Variants in NFIC observed in about 807,000 individuals in gnomAD.
NFIC encodes nuclear factor I C.
Under a neutral mutation model 54.4 loss-of-function variants are expected in NFIC, and 12 were observed. That is an observed-to-expected ratio of 0.22 (90% CI 0.14 to 0.36). NFIC has a LOEUF of 0.36. Among genes scored for constraint, NFIC ranks in the 10% least tolerant of loss-of-function variants. NFIC has a pLI of 1.00. For synonymous variants in NFIC, 322 were observed against 319.2 expected, an observed-to-expected ratio of 1.01 and a Z score of -0.09; for missense variants, 575 against 718.2, an observed-to-expected ratio of 0.80 and a Z score of 2.28.
intron 2 of NFIC, among the ~76,000 whole-genome samples, chr19:3,388,468 T>C (rs2145495165): frequency 6.6e-6 from 1 of 152,214 alleles, no homozygotes; most frequent in African/African-American, 2.4e-5. Flanking sequence ...AAGAGTCACT[T>C]GTCCAAGGTC....
rs1039850786 is a variant in NFIC, at chr19:3,375,377, C to A, written c.31-6335C>A. Among the ~76,000 whole-genome samples, 1 of 152,234 alleles carries A rather than the reference C, an allele frequency of 6.6e-6. No individual in the cohort carries two copies. Among genetic ancestry groups the A allele is most frequent in the Admixed American group, 6.5e-5 (1 of 15,280 alleles). ...CGCGTCCCACTGTGCCCCCCACCAC[C>A]CCCACTGCCCGGCTTCCCTGGCCAG... On this transcript the variant is annotated intron_variant, in intron 1 of 10. Transcript: ENST00000443272. The surrounding 1 kb of genome is among the most constrained non-coding windows in gnomAD (Gnocchi z 4.6).
chr19:3,378,255 C>CT (rs1399684506), intron 1 of NFIC, among the ~76,000 whole-genome samples: 1 of 137,958 alleles, frequency 7.2e-6, no homozygotes, highest in East Asian at 2.1e-4. Flanking sequence ...GAGTGAAACT[C>CT]TGTCTCAAAA....
chr19:3,449,262 A>C, intron 7 of NFIC, 123 bp downstream of exon 7: 2 of 1,404,400 alleles, frequency 1.4e-6, no homozygotes, highest in South Asian at 1.5e-5. Flanking sequence ...CTAGGTGGGC[A>C]AAAAACCATA....
chr19:3,453,934 G>GC lies in NFIC; in HGVS notation c.1423+18_1423+19insC. ...CTCGCCTTGTAAGCACGCGGGAAGC[G>GC]GTGCCCTGGTGGGGCGGATGTCCGC... On this transcript the variant is annotated intron_variant, in intron 9 of 10. Transcript: ENST00000443272. This position sits in a 1 kb window ranked among gnomAD's most constrained non-coding sequence, Gnocchi z 6.7. The GC allele has an allele frequency of 6.6e-7, 1 of 1,510,594 alleles. No homozygotes were observed. Among genetic ancestry groups the GC allele is most frequent in the Non-Finnish European group, 8.8e-7 (1 of 1,131,994 alleles). The allele number at this position is 1,510,594 out of a possible 1,614,324, so 93.6% of individuals were successfully genotyped here.
Position 3,463,310 on chromosome 19 carries a change from C to A in NFIC, c.*541C>A, listed in dbSNP as rs2082668148. The A allele has an allele frequency of 1.0e-6, 1 of 987,702 alleles. No individual in the cohort carries two copies. The highest frequency in any genetic ancestry group is 1.2e-6 in the Non-Finnish European group (1 of 831,684). The allele number at this position is 987,702 out of a possible 1,614,324, so 61.2% of individuals were successfully genotyped here. A position where few individuals can be genotyped will look rare whatever the true frequency, so the allele number is the denominator to read the frequency against. The stretch of plus-strand genomic sequence containing the variant: ...TGCCGGACACGGACCGGCCCCTCAG[C>A]CCCCACCGAGGACGCAGCCACTGGG... On this transcript the variant is annotated 3_prime_UTR_variant, in exon 11 of 11. Coordinates refer to ENST00000443272, the MANE Select transcript of NFIC (RefSeq NM_001245002.2).
At chr19:3,448,951 G>T (rs961180573) in intron 6 of NFIC, 63 bp from the exon 7 acceptor site, 59 of 1,533,058 alleles carry the variant, frequency 3.8e-5, no homozygotes, top group Admixed American at 1.0e-4. Flanking sequence ...CTGGCTTTGG[G>T]GAAGGTCCAG....
intron 3 of NFIC, among the ~76,000 whole-genome samples, chr19:3,432,081 C>T (rs1420343045): frequency 2.0e-5 from 3 of 152,146 alleles, no homozygotes; most frequent in Non-Finnish European, 2.9e-5. Context: ...GCTTAGTAAA[C>T]GCCTGTTGAG....
chr19:3,385,895 T>A (rs1405250898), intron 2 of NFIC, among the ~76,000 whole-genome samples: 32 of 151,680 alleles, frequency 2.1e-4, no homozygotes, highest in Admixed American at 2.0e-3. Context: ...TTTGCAGAGA[T>A]GGGGTATCAC....
rs112243853 is a variant in NFIC at position 3,466,658 on chromosome 19, C to CT, written c.*3902dup. 1,438 of 146,224 alleles carry CT rather than the reference C, an allele frequency of 9.8e-3. 25 individuals carry two copies. Among genetic ancestry groups the CT allele is most frequent in the African/African-American group, 0.03 (1,193 of 40,150 alleles). 9.1% of individuals were successfully genotyped at this position (146,224 alleles called of 1,614,324 possible). A position where few individuals can be genotyped will look rare whatever the true frequency, so the allele number is the denominator to read the frequency against. On this transcript the variant is annotated 3_prime_UTR_variant, in exon 11 of 11. Transcript: ENST00000443272. This position sits in a 1 kb window ranked among gnomAD's most constrained non-coding sequence, Gnocchi z 4.8. ...CAGCATTCATGTAGCTGATTTCTAG[C>CT]TTTTTTTTTTTTTCTGCCCCACTCC...
At chr19:3,417,624 CTTTTT>C (rs757954619) in intron 2 of NFIC, among the ~76,000 whole-genome samples, 1 of 121,642 alleles carries the variant, frequency 8.2e-6, no homozygotes, top group African/African-American at 3.2e-5. Context: ...TTTTTCTTTT[CTTTTT>C]TTTTTTTTTT....
intron 2 of NFIC, among the ~76,000 whole-genome samples, chr19:3,422,642 A>G (rs1011435664): frequency 1.3e-4 from 19 of 151,618 alleles, no homozygotes; most frequent in African/African-American, 4.6e-4. Context: ...GCGTGAACCC[A>G]GGAGACGGAG....
rs2082728507 is a variant in NFIC, at chr19:3,467,218, C to CCA, written c.*4450_*4451insAC. The CCA allele has an allele frequency of 7.9e-6, 1 of 126,186 alleles. No individual in the cohort carries two copies. Among genetic ancestry groups the CCA allele is most frequent in the South Asian group, 3.5e-4 (1 of 2,852 alleles). 7.8% of individuals were successfully genotyped at this position (126,186 alleles called of 1,614,324 possible). ...GACACCACACCTATGCCAGGCCCCC[C>CCA]CCCCCACCCCAGTCTCATTCTGGGG... On this transcript the variant is annotated 3_prime_UTR_variant, in exon 11 of 11. Coordinates refer to ENST00000443272, the MANE Select transcript of NFIC (RefSeq NM_001245002.2).
chr19:3,390,548 C>T (rs1383531352), intron 2 of NFIC, among the ~76,000 whole-genome samples: 1 of 152,140 alleles, frequency 6.6e-6, no homozygotes, highest in Non-Finnish European at 1.5e-5. Context: ...CAGCTGTGGG[C>T]CTCAGTTTCC....
At position 3,371,921 on chromosome 19, in the gene NFIC, TTCCTTCCTTCCTTCCTTCCC is replaced by T. The variant is rs1217961246; in HGVS notation, c.30+5259_30+5278del. ...CTTCCTTCCTTCCTTCCTTCCTTCC[TTCCTTCCTTCCTTCCTTCCC>T]TCCCTCCCTCCCTCCTTCCTTCTTT... is the stretch of plus-strand genomic sequence containing the variant. On this transcript the variant is annotated intron_variant, in intron 1 of 10. Transcript: ENST00000443272. 2.5e-3 allele frequency among the ~76,000 whole-genome samples: 329 copies of T among 133,646 alleles called. 3 individuals carry two copies. Among genetic ancestry groups the T allele is most frequent in the African/African-American group, 8.7e-3 (309 of 35,398 alleles). The allele number at this position is 133,646 out of a possible 152,430, so 87.7% of individuals were successfully genotyped here. A position where few individuals can be genotyped will look rare whatever the true frequency, so the allele number is the denominator to read the frequency against.
chr19:3,388,621 G>A (rs2081333604), intron 2 of NFIC, among the ~76,000 whole-genome samples: 2 of 152,012 alleles, frequency 1.3e-5, no homozygotes, highest in South Asian at 2.1e-4. Flanking sequence ...CCAGGAGTTC[G>A]AGACCAGCCT....
At chr19:3,413,369 G>A (rs554708850) in intron 2 of NFIC, among the ~76,000 whole-genome samples, 1 of 152,122 alleles carries the variant, frequency 6.6e-6, no homozygotes, top group Admixed American at 6.6e-5. Context: ...GGATTTACAG[G>A]GTGTCACAGA....
chr19:3,375,749 C>A lies in NFIC; in HGVS notation c.31-5963C>A, dbSNP rs955515106. On this transcript the variant is annotated intron_variant, in intron 1 of 10. Coordinates refer to ENST00000443272, the MANE Select transcript of NFIC (RefSeq NM_001245002.2). This position sits in a 1 kb window ranked among gnomAD's most constrained non-coding sequence, Gnocchi z 4.6. ...GAAATCTGATGTCCTGCCCCTCCCC[C>A]CGAAGCACCCCACGGCCGGAGGTGG... Among the ~76,000 whole-genome samples, 6 of 152,192 alleles carry A rather than the reference C, an allele frequency of 3.9e-5. No homozygotes were observed. The highest frequency in any genetic ancestry group is 1.2e-4 in the African/African-American group (5 of 41,436).
rs1451546412 is a variant in NFIC, at chr19:3,459,329, C to T, written c.1509+2694C>T. Among the ~76,000 whole-genome samples, 5 of 151,874 alleles carry T rather than the reference C, an allele frequency of 3.3e-5. No individual in the cohort carries two copies. The highest frequency in any genetic ancestry group is 6.6e-5 in the Admixed American group (1 of 15,244). On this transcript the variant is annotated intron_variant, in intron 10 of 10. Coordinates refer to ENST00000443272, the MANE Select transcript of NFIC (RefSeq NM_001245002.2). The surrounding 1 kb of genome is among the most constrained non-coding windows in gnomAD (Gnocchi z 4.2). Reference sequence around the variant, plus strand: ...AGTTACCCACCCATCGCCCCATGTCCGTCCCTATCAATCCCCCCACTGTGA... The same window carrying T: ...AGTTACCCACCCATCGCCCCATGTCTGTCCCTATCAATCCCCCCACTGTGA...
At chr19:3,429,461 C>T (rs2082087898) in intron 3 of NFIC, among the ~76,000 whole-genome samples, 1 of 151,930 alleles carries the variant, frequency 6.6e-6, no homozygotes, top group South Asian at 2.1e-4. Flanking sequence ...GGTGGTGATG[C>T]GTGCCTGTAG....
Sources: gnomAD v4.1 joint callset for allele counts (sites outside exome capture counted in the v4.1 genomes callset) on GRCh38, gnomAD v4.1.1 for gene constraint, Gnocchi (gnomAD v3.1) non-coding constraint, MANE v1.5 for transcripts, NCBI Gene and HGNC (gene_info 2026-07-23, HGNC 2026-07-21) for gene names.